EGF: variants seen among roughly 807,000 people sequenced by gnomAD.
The protein encoded by EGF is pro-epidermal growth factor.
EGF carries 95 observed loss-of-function variants against 143.8 expected under a neutral mutation model. The ratio of observed to expected loss-of-function variants is 0.66; its 90% CI spans 0.56 to 0.78. The LOEUF (loss-of-function observed/expected upper bound fraction) is 0.78, where lower values mean the gene tolerates loss of function less well. EGF is among the 30% of genes least tolerant of loss of function. EGF has a pLI of 0.00. For missense variants in EGF, 1,320 were observed against 1,470.9 expected, an observed-to-expected ratio of 0.90 and a Z score of 1.68; for synonymous variants, 510 against 510.5, an observed-to-expected ratio of 1.00 and a Z score of 0.01.
rs571084409 is a variant in EGF at position 109,970,639 on chromosome 4, A to G, written c.1724+1520A>G. Among the ~76,000 whole-genome samples, 7 of 152,164 alleles carry G rather than the reference A, an allele frequency of 4.6e-5. No individual in the cohort carries two copies. The East Asian group carries it at 7.7e-4, about 17-fold the overall frequency. On this transcript the variant is annotated intron_variant, in intron 11 of 23. Coordinates refer to ENST00000265171, the MANE Select transcript of EGF (RefSeq NM_001963.6). ...CAGGAGATCGAGACCATCCTGGCTA[A>G]CATGGTGAAACCCCGTCTCTACTAA...
At chr4:109,987,619 G>A in intron 16 of EGF, 125 bp from the exon 17 acceptor site, 2 of 806,164 alleles carry the variant, frequency 2.5e-6, no homozygotes, top group East Asian at 4.9e-5. Context: ...GTTTCTATTT[G>A]GAGGTTAACC....
intron 5 of EGF, 142 bp downstream of exon 5, chr4:109,945,417 T>A: frequency 1.3e-6 from 1 of 743,164 alleles, no homozygotes; most frequent in Non-Finnish European, 2.3e-6. Flanking sequence ...TAGACCCCTG[T>A]AAGAAAAGAC....
At position 109,913,341 on chromosome 4, in the gene EGF, G is replaced by T; in HGVS notation, c.6G>T (p.Leu2=). Reference sequence around the variant, plus strand: ...AGTTCAAACTCATCAAGATTATGCTGCTCACTCTTATCATTCTGTTGCCAG... The same window carrying T: ...AGTTCAAACTCATCAAGATTATGCTTCTCACTCTTATCATTCTGTTGCCAG... M[L]LTLIILLPVV... The change falls in exon 1 of 24, where the codon CTG becomes CTT. Residue 2 remains leucine, a synonymous_variant. Transcript: ENST00000265171. 1 of 1,613,752 alleles carries T rather than the reference G, an allele frequency of 6.2e-7. No homozygotes were observed. The highest frequency in any genetic ancestry group is 1.3e-5 in the African/African-American group (1 of 75,032).
At chr4:109,992,815 G>A (rs905643223) in intron 18 of EGF, among the ~76,000 whole-genome samples, 1 of 151,924 alleles carries the variant, frequency 6.6e-6, no homozygotes, top group South Asian at 2.1e-4. Flanking sequence ...GATGAAGCTG[G>A]AAGCCATCAT....
chr4:109,934,910 C>T (rs1740479451), intron 1 of EGF, among the ~76,000 whole-genome samples: 1 of 152,064 alleles, frequency 6.6e-6, no homozygotes, highest in African/African-American at 2.4e-5. Context: ...TGTTCTGTTC[C>T]ATGGGTCTAT....
intron 12 of EGF, 32 bp downstream of exon 12, chr4:109,974,839 G>C (rs1255534515): frequency 6.5e-7 from 1 of 1,543,358 alleles, no homozygotes; most frequent in South Asian, 1.1e-5. Context: ...GCACTGCTCT[G>C]CAGAGGTCAT....
In EGF at chr4:109,945,134, A is replaced by G; in HGVS notation, c.799A>G (p.Lys267Glu). 6.2e-7 allele frequency: 1 copy of G among 1,614,208 alleles called. No homozygotes were observed. The highest frequency in any genetic ancestry group is 8.5e-7 in the Non-Finnish European group (1 of 1,180,034). ...TATCTTCTATTCAACATGGAAAATGAAGACAATTTGGATAGCCAACAAACA... is the reference window on the plus strand; with the variant it reads ...TATCTTCTATTCAACATGGAAAATGGAGACAATTTGGATAGCCAACAAACA... Reference protein sequence around the residue: ...DRIFYSTWKMKTIWIANKHTG... With the variant: ...DRIFYSTWKMETIWIANKHTG... The change falls in exon 5 of 24, where the codon AAG becomes GAG. Residue 267 changes from lysine (K) to glutamate (E), a missense_variant. By Grantham distance (56) the Lys-to-Glu change is moderately conservative. This residue lies in a region of EGF where 1,186 missense variants were observed against 1,313.7 expected (regional missense o/e 0.90). Coordinates refer to ENST00000265171, the MANE Select transcript of EGF (RefSeq NM_001963.6).
At chr4:109,988,240 T>C (rs1417396428) in intron 17 of EGF, among the ~76,000 whole-genome samples, 1 of 151,606 alleles carries the variant, frequency 6.6e-6, no homozygotes, top group Non-Finnish European at 1.5e-5. Flanking sequence ...TAAGTTTTAG[T>C]CAAATGAATA....
At chr4:109,919,149 G>A (rs1737229821) in intron 1 of EGF, among the ~76,000 whole-genome samples, 1 of 152,172 alleles carries the variant, frequency 6.6e-6, no homozygotes, top group Non-Finnish European at 1.5e-5. Context: ...AAACAGTTGT[G>A]TACTCCTTTG....
intron 1 of EGF, among the ~76,000 whole-genome samples, chr4:109,916,839 A>G (rs12504641): frequency 0.012 from 1,864 of 152,326 alleles, 130 homozygotes; most frequent in Admixed American, 0.11. Context: ...TTTTTTATAC[A>G]TGACAAAATG....
In EGF at chr4:109,970,310, T is replaced by C. The variant is rs534463627; in HGVS notation, c.1724+1191T>C. On this transcript the variant is annotated intron_variant, in intron 11 of 23. Coordinates refer to ENST00000265171, the MANE Select transcript of EGF (RefSeq NM_001963.6). ...TCACAAAATAATACTAGAGATGCAA[T>C]GTGCTCTGAGATATATTCTCAGAGT... Among the ~76,000 whole-genome samples the C allele has an allele frequency of 3.3e-5, 5 of 152,224 alleles. No homozygotes were observed. The East Asian group carries it at 7.7e-4, about 24-fold the overall frequency.
chr4:109,943,978 T>C lies in EGF; in HGVS notation c.646T>C (p.Trp216Arg), dbSNP rs2126009015. 3.1e-6 allele frequency: 5 copies of C among 1,614,232 alleles called. No individual in the cohort carries two copies. Among genetic ancestry groups the C allele is most frequent in the Non-Finnish European group, 3.4e-6 (4 of 1,180,040 alleles). Residue 216 changes from tryptophan (W) to arginine (R), a missense_variant, in exon 4 of 24, where the codon TGG (tryptophan) becomes CGG (arginine). Transcript: ENST00000265171. Reference protein sequence around the residue: ...SLDVLDKRLFWIQYNREGSNS... With the variant: ...SLDVLDKRLFRIQYNREGSNS... Reference sequence around the variant, plus strand: ...GGATGTGCTTGATAAGCGGCTGTTTTGGATTCAGTACAACAGAGAAGGAAG... The same window carrying C: ...GGATGTGCTTGATAAGCGGCTGTTTCGGATTCAGTACAACAGAGAAGGAAG...
chr4:109,918,320 G>A (rs990076618), intron 1 of EGF, among the ~76,000 whole-genome samples: 1 of 150,478 alleles, frequency 6.6e-6, no homozygotes, highest in African/African-American at 2.5e-5. Flanking sequence ...TTTTCTCAGA[G>A]TGTGTAATGG....
At chr4:109,965,849 C>A (rs759833263) in intron 10 of EGF, among the ~76,000 whole-genome samples, 2 of 151,992 alleles carry the variant, frequency 1.3e-5, no homozygotes, top group African/African-American at 4.8e-5. Context: ...GAGTGAAGTA[C>A]CCCTATTTGT....
intron 9 of EGF, among the ~76,000 whole-genome samples, chr4:109,964,090 A>G (rs761066386): frequency 6.6e-6 from 1 of 152,226 alleles, no homozygotes; most frequent in African/African-American, 2.4e-5. Flanking sequence ...AAGAAGATGT[A>G]TAACCCTAAG....
At chr4:109,916,920 ACT>A (rs1736760538) in intron 1 of EGF, among the ~76,000 whole-genome samples, 1 of 152,164 alleles carries the variant, frequency 6.6e-6, no homozygotes, top group South Asian at 2.1e-4. Context: ...AAAATACATA[ACT>A]CATATTTTTG....
rs1238374232 is a variant in EGF at position 109,988,641 on chromosome 4, T to A, written c.2666T>A (p.Ile889Asn). ...PVCPPASSKC[I>N]NTEGGYVCRC... The stretch of plus-strand genomic sequence containing the variant: ...TGCCCCCCTGCCTCCTCCAAGTGCA[T>A]CAACACCGAAGGTGGTTATGTCTGC... Residue 889 changes from isoleucine (I) to asparagine (N), a missense_variant, in exon 18 of 24, where the codon ATC (isoleucine) becomes AAC (asparagine). Around this residue, in one of 5 missense-constraint regions of EGF, gnomAD observed 1,186 missense variants for 1,313.7 expected, o/e 0.90. Coordinates refer to ENST00000265171, the MANE Select transcript of EGF (RefSeq NM_001963.6). 1.2e-6 allele frequency: 2 copies of A among 1,614,044 alleles called. No homozygotes were observed. The highest frequency in any genetic ancestry group is 2.2e-5 in the South Asian group (2 of 91,082).
chr4:109,938,033 G>C (rs1425303216), intron 1 of EGF, among the ~76,000 whole-genome samples: 1 of 152,128 alleles, frequency 6.6e-6, no homozygotes, highest in Non-Finnish European at 1.5e-5. Context: ...GGTGTTCTCT[G>C]TATTTCCTGA....
At chr4:109,925,481 A>G (rs13114846) in intron 1 of EGF, among the ~76,000 whole-genome samples, 1 of 152,232 alleles carries the variant, frequency 6.6e-6, no homozygotes, top group African/African-American at 2.4e-5. Context: ...TCTCTGAGGT[A>G]AGTATTACTA....
Sources: allele counts gnomAD v4.1 joint callset (sites outside exome capture counted in the v4.1 genomes callset), GRCh38; gene constraint gnomAD v4.1.1; regional missense constraint gnomAD v4.1.1; transcripts MANE v1.5; gene names NCBI Gene and HGNC (gene_info 2026-07-23, HGNC 2026-07-21).